The following CCSER1 variants were observed in gnomAD, a reference collection of about 807,000 sequenced individuals.
The protein encoded by CCSER1 is coiled-coil serine rich protein 1.
CCSER1 carries 41 observed loss-of-function variants against 82.0 expected under a neutral mutation model. The ratio of observed to expected loss-of-function variants is 0.50; its 90% CI spans 0.39 to 0.65. The LOEUF is 0.65. Among genes scored for constraint, CCSER1 ranks in the 30% least tolerant of loss-of-function variants. The pLI, the probability that CCSER1 is intolerant of heterozygous loss-of-function variation, is 0.00. For synonymous variants in CCSER1, 414 were observed against 383.9 expected, an observed-to-expected ratio of 1.08 and a Z score of -0.92; for missense variants, 1,119 against 1,064.2, an observed-to-expected ratio of 1.05 and a Z score of -0.72.
chr4:90,741,710 A>G (rs1008468259), intron 7 of CCSER1, among the ~76,000 whole-genome samples: 1 of 152,346 alleles, frequency 6.6e-6, no homozygotes, highest in South Asian at 2.1e-4. Context: ...CAGTTTACCT[A>G]TAAGTGTGAA....
At chr4:90,280,992 T>C (rs1002575242) in intron 1 of CCSER1, among the ~76,000 whole-genome samples, 1 of 152,036 alleles carries the variant, frequency 6.6e-6, no homozygotes, top group Non-Finnish European at 1.5e-5. Flanking sequence ...GAAATCATAC[T>C]GACATTTTCA....
chr4:91,354,754 G>A (rs189848387), intron 10 of CCSER1, among the ~76,000 whole-genome samples: 9 of 152,292 alleles, frequency 5.9e-5, no homozygotes, highest in Admixed American at 2.0e-4. Flanking sequence ...GCTTCCCATG[G>A]CCATTGATCT....
rs537906303 is a variant in CCSER1, at chr4:90,998,342, A to G, written c.2172+74895A>G. 1.2e-4 allele frequency among the ~76,000 whole-genome samples: 19 copies of G among 152,308 alleles called. No homozygotes were observed. The East Asian group carries it at 3.7e-3, about 29-fold the overall frequency. ...TGATCCACCCTCCTCGGCCTCCCAAAGAGCCGGGATTACAGGCGTGAGCCA... is the reference window on the plus strand; with the variant it reads ...TGATCCACCCTCCTCGGCCTCCCAAGGAGCCGGGATTACAGGCGTGAGCCA... On this transcript the variant is annotated intron_variant, in intron 9 of 10. Transcript: ENST00000509176.
chr4:90,903,009 T>C (rs937894360), intron 8 of CCSER1, among the ~76,000 whole-genome samples: 1 of 152,148 alleles, frequency 6.6e-6, no homozygotes. Context: ...CTTTTGTTCC[T>C]GAATGCAGCA....
chr4:91,060,008 A>G (rs919424829), intron 9 of CCSER1, among the ~76,000 whole-genome samples: 33 of 152,036 alleles, frequency 2.2e-4, no homozygotes, highest in Non-Finnish European at 4.0e-4. Flanking sequence ...CAGGCTGCTG[A>G]GCAATCATTC....
chr4:91,420,450 CATT>C (rs1171056450), intron 10 of CCSER1, among the ~76,000 whole-genome samples: 1 of 152,054 alleles, frequency 6.6e-6, no homozygotes, highest in South Asian at 2.1e-4. Flanking sequence ...TACTCAACAT[CATT>C]AATTGTCAGA....
intron 9 of CCSER1, among the ~76,000 whole-genome samples, chr4:91,079,458 C>G (rs1010051915): frequency 6.6e-6 from 1 of 152,108 alleles, no homozygotes; most frequent in African/African-American, 2.4e-5. Flanking sequence ...TGGTACCAGC[C>G]ACTGCAAAAA....
chr4:90,510,115 T>C (rs1454010128), intron 5 of CCSER1, among the ~76,000 whole-genome samples: 2 of 152,130 alleles, frequency 1.3e-5, no homozygotes, highest in Admixed American at 1.3e-4. Flanking sequence ...TTGAAAGAAT[T>C]CTTAAAGGAC....
At chr4:90,154,088 C>T (rs1727498104) in intron 1 of CCSER1, among the ~76,000 whole-genome samples, 1 of 152,166 alleles carries the variant, frequency 6.6e-6, no homozygotes, top group Non-Finnish European at 1.5e-5. Context: ...TTTCAGCTTT[C>T]TACATATGGC....
chr4:90,535,673 AATG>A (rs1157389729), intron 5 of CCSER1, among the ~76,000 whole-genome samples: 1 of 152,216 alleles, frequency 6.6e-6, no homozygotes, highest in African/African-American at 2.4e-5. Context: ...CATATACATT[AATG>A]ATAGAATACT....
At chr4:90,702,908 C>A (rs991440134) in intron 6 of CCSER1, among the ~76,000 whole-genome samples, 1 of 152,052 alleles carries the variant, frequency 6.6e-6, no homozygotes, top group Non-Finnish European at 1.5e-5. Flanking sequence ...TTTTGTTGAT[C>A]TTTTCAAAAA....
intron 9 of CCSER1, among the ~76,000 whole-genome samples, chr4:91,051,904 C>A (rs1055539300): frequency 3.3e-5 from 5 of 152,064 alleles, no homozygotes; most frequent in Admixed American, 3.3e-4. Context: ...AATATCTTAT[C>A]ATTCATCTTC....
chr4:90,384,177 C>T (rs1016433168), intron 3 of CCSER1, among the ~76,000 whole-genome samples: 15 of 151,522 alleles, frequency 9.9e-5, no homozygotes, highest in Admixed American at 2.0e-4. Flanking sequence ...TTCTAGGGTA[C>T]GTGTGCACAA....
At chr4:90,689,200 C>G (rs1735356670) in intron 6 of CCSER1, among the ~76,000 whole-genome samples, 1 of 152,008 alleles carries the variant, frequency 6.6e-6, no homozygotes, top group African/African-American at 2.4e-5. Context: ...GTATTCAAAT[C>G]AATGCAGGGA....
At chr4:91,098,144 G>C (rs1408612408) in intron 10 of CCSER1, among the ~76,000 whole-genome samples, 1 of 152,042 alleles carries the variant, frequency 6.6e-6, no homozygotes, top group Non-Finnish European at 1.5e-5. Context: ...ATTCTTTATT[G>C]ATGTAAAGTA....
In CCSER1 at chr4:90,956,939, C is replaced by T. The variant is rs904248968; in HGVS notation, c.2172+33492C>T. Among the ~76,000 whole-genome samples the T allele has an allele frequency of 1.0e-4, 12 of 119,682 alleles. No individual in the cohort carries two copies. The Admixed American group carries it at 1.0e-3, about 10-fold the overall frequency. 78.5% of individuals were successfully genotyped at this position (119,682 alleles called of 152,430 possible). On this transcript the variant is annotated intron_variant, in intron 9 of 10. Coordinates refer to ENST00000509176, the MANE Select transcript of CCSER1 (RefSeq NM_001145065.2). Reference sequence around the variant, plus strand: ...GGACTACAGGTGTGTGCCACCACAACCAGCCTTTTTTTTTTTTTTTGTAGA... The same window carrying T: ...GGACTACAGGTGTGTGCCACCACAATCAGCCTTTTTTTTTTTTTTTGTAGA...
chr4:90,148,309 T>C (rs1726195578), intron 1 of CCSER1, among the ~76,000 whole-genome samples: 1 of 152,224 alleles, frequency 6.6e-6, no homozygotes, highest in Admixed American at 6.5e-5. Context: ...ACTTGTAATT[T>C]CTGATAGTTT....
In CCSER1 at chr4:91,603,439, A is replaced by G. The variant is rs1457655790; in HGVS notation, c.*4382A>G. ...CTCTGTGGTTGAATTACCTATGGAA[A>G]AGAATGAAGGCAGTTCACTCTGTTT... On this transcript the variant is annotated 3_prime_UTR_variant, in exon 11 of 11. Transcript: ENST00000509176. The G allele has an allele frequency of 6.6e-6, 1 of 152,126 alleles. No homozygotes were observed. Among genetic ancestry groups the G allele is most frequent in the Non-Finnish European group, 1.5e-5 (1 of 67,990 alleles). The allele number at this position is 152,126 out of a possible 1,614,324, so 9.4% of individuals were successfully genotyped here. A position where few individuals can be genotyped will look rare whatever the true frequency, so the allele number is the denominator to read the frequency against.
rs371081493 is a variant in CCSER1, at chr4:91,518,324, G to A, written c.2218-80248G>A. On this transcript the variant is annotated intron_variant, in intron 10 of 10. Transcript: ENST00000509176. ...AGCCGCTCTGTGGGCCCAAGCTGGG[G>A]AGGAGGTGTCTGGTTATGAGCAGGG... 3.9e-5 allele frequency among the ~76,000 whole-genome samples: 6 copies of A among 152,186 alleles called. No homozygotes were observed. The East Asian group carries it at 7.7e-4, about 20-fold the overall frequency.
Sources: allele counts gnomAD v4.1 joint callset (sites outside exome capture counted in the v4.1 genomes callset), GRCh38; gene constraint gnomAD v4.1.1; transcripts MANE v1.5; gene names NCBI Gene and HGNC (gene_info 2026-07-23, HGNC 2026-07-21).